Variants in NTNG1 observed in about 807,000 individuals in gnomAD.
The protein encoded by NTNG1 is netrin G1.
Under a neutral mutation model 54.0 loss-of-function variants are expected in NTNG1, and 16 were observed. That is an observed-to-expected ratio of 0.30 (90% confidence interval 0.20 to 0.45). The LOEUF (loss-of-function observed/expected upper bound fraction) is 0.45. Among genes scored for constraint, NTNG1 ranks in the 20% least tolerant of loss-of-function variants. The pLI, the probability that NTNG1 is intolerant of heterozygous loss-of-function variation, is 1.00. For synonymous variants in NTNG1, 255 were observed against 263.1 expected (o/e 0.97, Z 0.30); for missense variants, 530 against 678.7 (o/e 0.78, Z 2.43).
chr1:107,142,307 C>CTT (rs11408012), intron 1 of NTNG1, among the ~76,000 whole-genome samples: 64 of 146,210 alleles, frequency 4.4e-4, no homozygotes, highest in South Asian at 2.6e-3. Flanking sequence ...CACCCGGGGA[C>CTT]TTTTTTTTTT....
chr1:107,379,510 A>G (rs1671512348), intron 3 of NTNG1, among the ~76,000 whole-genome samples: 1 of 152,224 alleles, frequency 6.6e-6, no homozygotes, highest in African/African-American at 2.4e-5. Flanking sequence ...GCTGCCAGCC[A>G]TATAGATCCA....
Position 107,482,277 on chromosome 1 carries a change from A to C in NTNG1, c.*1437A>C, listed in dbSNP as rs1678775825. 6.6e-6 allele frequency: 1 copy of C among 152,212 alleles called. No homozygotes were observed. Among genetic ancestry groups the C allele is most frequent in the African/African-American group, 2.4e-5 (1 of 41,448 alleles). 9.4% of individuals were successfully genotyped at this position (152,212 alleles called of 1,614,324 possible). On this transcript the variant is annotated 3_prime_UTR_variant, in exon 8 of 8. Transcript: ENST00000370068. ...CTGGGGAACCAGGAAGGGAGCAGGG[A>C]AATTGAGTGATTTGCAATTTGACTT...
chr1:107,225,099 C>A lies in NTNG1; in HGVS notation c.246+76260C>A, dbSNP rs143251344. On this transcript the variant is annotated intron_variant, in intron 2 of 7. Coordinates refer to ENST00000370068, the MANE Select transcript of NTNG1 (RefSeq NM_001113226.3). ...ACTTGTCCATATACCCAGAGAGTAT[C>A]TCCAGAAACATAAAACAAGTGTGTT... is the stretch of plus-strand genomic sequence containing the variant. Among the ~76,000 whole-genome samples, 17 of 152,228 alleles carry A rather than the reference C, an allele frequency of 1.1e-4. No homozygotes were observed. In the East Asian group the frequency reaches 2.5e-3, roughly 23 times the overall value.
intron 4 of NTNG1, among the ~76,000 whole-genome samples, chr1:107,407,361 C>T (rs907906596): frequency 6.6e-6 from 1 of 151,914 alleles, no homozygotes; most frequent in Non-Finnish European, 1.5e-5. Flanking sequence ...GTTCATTAAC[C>T]TTATAGGGAA....
intron 4 of NTNG1, 178 bp downstream of exon 4, chr1:107,395,504 A>T (rs747650677): frequency 2.6e-6 from 2 of 758,618 alleles, no homozygotes; most frequent in Non-Finnish European, 4.8e-6. Flanking sequence ...CACTCTGATC[A>T]TCAGTAAAAT....
At position 107,421,075 on chromosome 1, in the gene NTNG1, C is replaced by A. The variant is rs1398785399; in HGVS notation, c.1088-9675C>A. 4 of 1,599,552 alleles carry A rather than the reference C, an allele frequency of 2.5e-6. No individual in the cohort carries two copies. In the African/African-American group the frequency reaches 4.0e-5, roughly 16 times the overall value. ...CTAATTTACTGTTCATTCTTTTAAA[C>A]CTATCCAGTTGCTCCCAAATTAGCT... On this transcript the variant is annotated intron_variant, in intron 5 of 7. Transcript: ENST00000370068.
chr1:107,366,330 A>AT (rs777378165), intron 3 of NTNG1, among the ~76,000 whole-genome samples: 6 of 152,182 alleles, frequency 3.9e-5, no homozygotes, highest in East Asian at 1.9e-4. Context: ...GTCATCACTC[A>AT]TATCTCAGAA....
intron 2 of NTNG1, among the ~76,000 whole-genome samples, chr1:107,194,379 C>A (rs181474947): frequency 6.6e-6 from 1 of 152,122 alleles, no homozygotes; most frequent in Non-Finnish European, 1.5e-5. Flanking sequence ...CATCTTAAAT[C>A]AATACGTCCT....
At chr1:107,287,078 C>G (rs1044389538) in intron 2 of NTNG1, among the ~76,000 whole-genome samples, 2 of 152,002 alleles carry the variant, frequency 1.3e-5, no homozygotes, top group African/African-American at 4.8e-5. Context: ...ATTTTTCTTT[C>G]ATATGTAGTA....
In NTNG1 at chr1:107,300,690, AT is replaced by A. The variant is rs565360665; in HGVS notation, c.247-23590del. The stretch of plus-strand genomic sequence containing the variant: ...ACAGAGAATTCAGTTCAAGCAAGTG[AT>A]TCATCTCTTCTTTTTTAAAGTTGAT... On this transcript the variant is annotated intron_variant, in intron 2 of 7. Transcript: ENST00000370068. Among the ~76,000 whole-genome samples, 190 of 152,286 alleles carry A rather than the reference AT, an allele frequency of 1.2e-3. 1 individual carries two copies. The highest frequency in any genetic ancestry group is 4.5e-3 in the African/African-American group (185 of 41,568).
chr1:107,288,804 CAAAGGTTACATATTCA>C (rs1174084841), intron 2 of NTNG1, among the ~76,000 whole-genome samples: 4 of 152,078 alleles, frequency 2.6e-5, no homozygotes, highest in Non-Finnish European at 5.9e-5. Context: ...GTATTTTGTT[CAAAGGTTACATATTCA>C]ATCTCATTGG....
chr1:107,368,829 T>C (rs1000913452), intron 3 of NTNG1, among the ~76,000 whole-genome samples: 3 of 152,198 alleles, frequency 2.0e-5, no homozygotes, highest in Non-Finnish European at 4.4e-5. Flanking sequence ...AACAGTTTTA[T>C]TGAAATGTAA....
chr1:107,419,649 G>T (rs1384635793), intron 5 of NTNG1, among the ~76,000 whole-genome samples: 1 of 147,128 alleles, frequency 6.8e-6, no homozygotes, highest in Non-Finnish European at 1.5e-5. Flanking sequence ...GCACATCTTT[G>T]GCTTCCACCT....
chr1:107,282,436 G>A (rs1241268675), intron 2 of NTNG1, among the ~76,000 whole-genome samples: 1 of 152,028 alleles, frequency 6.6e-6, no homozygotes, highest in Non-Finnish European at 1.5e-5. Context: ...CTATCATGAG[G>A]CCCTCCAGAA....
intron 2 of NTNG1, among the ~76,000 whole-genome samples, chr1:107,245,085 A>C (rs572199730): frequency 6.0e-4 from 91 of 152,356 alleles, no homozygotes; most frequent in African/African-American, 2.1e-3. Context: ...ATAAGTGTTC[A>C]TCTTTCACAT....
At chr1:107,167,667 G>C (rs558670951) in intron 2 of NTNG1, among the ~76,000 whole-genome samples, 95 of 151,946 alleles carry the variant, frequency 6.3e-4, no homozygotes, top group African/African-American at 2.2e-3. Context: ...TATCATTAAG[G>C]TGATAATAAT....
At chr1:107,241,766 A>G (rs78501596) in intron 2 of NTNG1, among the ~76,000 whole-genome samples, 1,822 of 152,294 alleles carry the variant, frequency 0.012, 29 homozygotes, top group African/African-American at 0.042. Flanking sequence ...TTGGGGGATA[A>G]CTTGATGCCA....
At chr1:107,449,034 C>T (rs1286860543) in intron 7 of NTNG1, among the ~76,000 whole-genome samples, 1 of 152,092 alleles carries the variant, frequency 6.6e-6, no homozygotes, top group East Asian at 1.9e-4. Context: ...TTAATCTATT[C>T]ATGTTTGGAA....
intron 7 of NTNG1, among the ~76,000 whole-genome samples, chr1:107,441,853 T>A (rs11185116): frequency 0.43 from 65,544 of 151,858 alleles, 15,346 homozygotes; most frequent in Non-Finnish European, 0.52. Context: ...ATAAAACATA[T>A]TCAAAAGAAA....
Sources: gnomAD v4.1 joint callset for allele counts (sites outside exome capture counted in the v4.1 genomes callset) on GRCh38, gnomAD v4.1.1 for gene constraint, MANE v1.5 for transcripts, NCBI Gene and HGNC (gene_info 2026-07-23, HGNC 2026-07-21) for gene names.